The following CDH19 variants were observed in gnomAD, a reference collection of about 807,000 sequenced individuals.
CDH19 encodes cadherin-19.
In CDH19, 67 loss-of-function variants were observed where a neutral mutation model predicts 64.2. The ratio of observed to expected loss-of-function variants is 1.04; its 90% CI spans 0.86 to 1.28. The LOEUF (loss-of-function observed/expected upper bound fraction) is 1.28, where lower values mean the gene tolerates loss of function less well. Among genes scored for constraint, CDH19 ranks in the 50% most tolerant of loss-of-function variants. CDH19 has a pLI of 0.00. For synonymous variants in CDH19, 346 were observed against 319.3 expected (o/e 1.08, Z -0.89); for missense variants, 1,030 against 929.0 (o/e 1.11, Z -1.41).
chr18:66,587,039 G>A (rs1162216452), intron 1 of CDH19, among the ~76,000 whole-genome samples: 4 of 152,026 alleles, frequency 2.6e-5, no homozygotes, highest in African/African-American at 9.7e-5. Context: ...CCAGGACATT[G>A]AAATAATTGT....
At chr18:66,516,266 G>A (rs1985732008) in intron 9 of CDH19, among the ~76,000 whole-genome samples, 1 of 151,904 alleles carries the variant, frequency 6.6e-6, no homozygotes, top group Admixed American at 6.6e-5. Context: ...TCCTTCTGAG[G>A]ACATCCTTAG....
chr18:66,547,919 G>A (rs1313152931), intron 5 of CDH19, among the ~76,000 whole-genome samples: 2 of 147,610 alleles, frequency 1.4e-5, no homozygotes, highest in East Asian at 2.0e-4. Flanking sequence ...CGCCCGCCTC[G>A]GCCTCCCAAA....
intron 3 of CDH19, among the ~76,000 whole-genome samples, chr18:66,567,044 A>T (rs1277741650): frequency 6.6e-6 from 1 of 151,822 alleles, no homozygotes; most frequent in Non-Finnish European, 1.5e-5. Context: ...ACAATTAATA[A>T]TCATCATACC....
At chr18:66,533,090 G>C (rs1986518999) in intron 8 of CDH19, among the ~76,000 whole-genome samples, 2 of 151,772 alleles carry the variant, frequency 1.3e-5, no homozygotes, top group Non-Finnish European at 2.9e-5. Context: ...TACCTTTGAG[G>C]GGAGGTTTTC....
At chr18:66,565,423 C>G (rs115643842) in intron 3 of CDH19, among the ~76,000 whole-genome samples, 1 of 151,806 alleles carries the variant, frequency 6.6e-6, no homozygotes, top group African/African-American at 2.4e-5. Flanking sequence ...TAATAATAGG[C>G]AGTTCACTTC....
At chr18:66,524,542 G>GTATA (rs72219868) in intron 9 of CDH19, among the ~76,000 whole-genome samples, 6,102 of 94,400 alleles carry the variant, frequency 0.065, 272 homozygotes, top group African/African-American at 0.11. Flanking sequence ...ATGTTTGTGT[G>GTATA]TATATATATA....
At chr18:66,568,351 T>C (rs558370893) in intron 3 of CDH19, 65 bp downstream of exon 3, 3 of 1,251,458 alleles carry the variant, frequency 2.4e-6, no homozygotes, top group East Asian at 2.3e-5. Context: ...TTCCAAAACA[T>C]ATCCTTCAAA....
At chr18:66,598,729 TA>T (rs1988967133) in intron 1 of CDH19, among the ~76,000 whole-genome samples, 1 of 152,020 alleles carries the variant, frequency 6.6e-6, no homozygotes, top group Non-Finnish European at 1.5e-5. Context: ...ATCTGTCAGG[TA>T]GTATTATCAC....
intron 8 of CDH19, among the ~76,000 whole-genome samples, chr18:66,534,318 C>G (rs77300321): frequency 1.3e-5 from 2 of 151,794 alleles, no homozygotes; most frequent in African/African-American, 4.8e-5. Context: ...TTCATTGTAT[C>G]GCAAATAATA....
chr18:66,539,112 T>C (rs980915844), intron 7 of CDH19, among the ~76,000 whole-genome samples: 1 of 152,114 alleles, frequency 6.6e-6, no homozygotes, highest in Admixed American at 6.6e-5. Context: ...TCAATATAAG[T>C]TTAATTTATA....
At chr18:66,514,149 G>A (rs1188431815) in intron 9 of CDH19, among the ~76,000 whole-genome samples, 2 of 151,358 alleles carry the variant, frequency 1.3e-5, no homozygotes, top group Non-Finnish European at 3.0e-5. Flanking sequence ...TAAGTAAATT[G>A]GCTGGGCCAG....
chr18:66,521,443 G>A (rs987161110), intron 9 of CDH19, among the ~76,000 whole-genome samples: 5 of 152,058 alleles, frequency 3.3e-5, no homozygotes, highest in African/African-American at 9.7e-5. Flanking sequence ...CTTGCATATT[G>A]AGGACAGAAT....
At chr18:66,521,532 TTTG>T (rs1985984592) in intron 9 of CDH19, among the ~76,000 whole-genome samples, 1 of 114,118 alleles carries the variant, frequency 8.8e-6, no homozygotes, top group African/African-American at 3.2e-5. Flanking sequence ...ATTTTGTTTG[TTTG>T]TTTGTTTGTT....
chr18:66,552,422 T>G (rs1987376829), intron 4 of CDH19, among the ~76,000 whole-genome samples: 1 of 140,594 alleles, frequency 7.1e-6, no homozygotes, highest in African/African-American at 3.0e-5. Context: ...TTTTAAAAGA[T>G]AAATTAGACC....
chr18:66,557,109 C>T (rs543444466), intron 3 of CDH19, among the ~76,000 whole-genome samples: 1 of 152,092 alleles, frequency 6.6e-6, no homozygotes, highest in Non-Finnish European at 1.5e-5. Flanking sequence ...AAGATATCTG[C>T]ATTCCCATGT....
At chr18:66,542,036 C>T (rs1388317835) in intron 7 of CDH19, among the ~76,000 whole-genome samples, 2 of 152,126 alleles carry the variant, frequency 1.3e-5, no homozygotes. Context: ...CTAAAATTAA[C>T]AGTTTTCAAT....
At chr18:66,513,129 G>A (rs985309694) in intron 9 of CDH19, among the ~76,000 whole-genome samples, 1 of 151,316 alleles carries the variant, frequency 6.6e-6, no homozygotes, top group Non-Finnish European at 1.5e-5. Flanking sequence ...TATCTTGCTG[G>A]CATATGTGGC....
In CDH19 at chr18:66,544,751, C is replaced by A. The variant is rs755258718; in HGVS notation, c.928G>T (p.Glu310Ter). The A allele has an allele frequency of 6.2e-6, 10 of 1,609,348 alleles. No homozygotes were observed. Among genetic ancestry groups the A allele is most frequent in the Non-Finnish European group, 8.5e-6 (10 of 1,177,324 alleles). ...SQTFDIITNH[E>*]TQEGIVILKK... Reference sequence around the variant, plus strand: ...AATATAACTATTCCTTCTTGAGTTTCATGATTAGTAATAATGTCAAATGTT... The same window carrying A: ...AATATAACTATTCCTTCTTGAGTTTAATGATTAGTAATAATGTCAAATGTT... The change falls in exon 6 of 12, where the codon GAA becomes TAA. Residue 310 changes from glutamate to a stop codon, truncating the protein, a stop_gained. Coordinates refer to ENST00000262150, the MANE Select transcript of CDH19 (RefSeq NM_021153.4). LOFTEE classifies it high-confidence loss of function.
At position 66,554,879 on chromosome 18, in the gene CDH19, C is replaced by G. The variant is rs545897623; in HGVS notation, c.491-355G>C. On this transcript the variant is annotated intron_variant, in intron 3 of 11. Coordinates refer to ENST00000262150, the MANE Select transcript of CDH19 (RefSeq NM_021153.4). The stretch of plus-strand genomic sequence containing the variant: ...TTATTAGTGGAGAAATTAAAAGGAA[C>G]TTGGAAATGCTTTTCACCAAAAATT... Among the ~76,000 whole-genome samples, 24 of 151,828 alleles carry G rather than the reference C, an allele frequency of 1.6e-4. 1 individual carries two copies. The South Asian group carries it at 4.6e-3, about 29-fold the overall frequency.
Sources: allele counts gnomAD v4.1 joint callset (sites outside exome capture counted in the v4.1 genomes callset), GRCh38; gene constraint gnomAD v4.1.1; transcripts MANE v1.5; gene names NCBI Gene and HGNC (gene_info 2026-07-23, HGNC 2026-07-21).